The following DGKI variants were observed in gnomAD, a reference collection of about 807,000 sequenced individuals.
DGKI encodes diacylglycerol kinase iota.
Under a neutral mutation model 147.5 loss-of-function variants are expected in DGKI, and 55 were observed. The ratio of observed to expected loss-of-function variants is 0.37; its 90% confidence interval spans 0.30 to 0.47. The LOEUF (loss-of-function observed/expected upper bound fraction) is 0.47, where lower values mean the gene tolerates loss of function less well. Among genes scored for constraint, DGKI ranks in the 20% least tolerant of loss-of-function variants. DGKI has a pLI of 1.00. For synonymous variants in DGKI, 469 were observed against 477.1 expected, an observed-to-expected ratio of 0.98 and a Z score of 0.22; for missense variants, 1,007 against 1,323.8, an observed-to-expected ratio of 0.76 and a Z score of 3.71.
chr7:137,610,961 C>A (rs1422863496), intron 8 of DGKI, among the ~76,000 whole-genome samples: 2 of 152,092 alleles, frequency 1.3e-5, no homozygotes, highest in African/African-American at 2.4e-5. Flanking sequence ...AGAGTCACAC[C>A]AGGAAAAGAG....
intron 1 of DGKI, among the ~76,000 whole-genome samples, chr7:137,694,450 C>T (rs1231999253): frequency 6.6e-6 from 1 of 152,172 alleles, no homozygotes; most frequent in African/African-American, 2.4e-5. Flanking sequence ...GTTTATGTGG[C>T]TCCCGTTTTC....
intron 32 of DGKI, among the ~76,000 whole-genome samples, chr7:137,394,773 G>C (rs1343308510): frequency 1.3e-5 from 2 of 152,214 alleles, no homozygotes; most frequent in Non-Finnish European, 2.9e-5. Flanking sequence ...TTCAAGCCAA[G>C]TGCCACAGGT....
At chr7:137,671,375 T>C (rs1163210367) in intron 3 of DGKI, among the ~76,000 whole-genome samples, 2 of 152,184 alleles carry the variant, frequency 1.3e-5, no homozygotes, top group African/African-American at 2.4e-5. Context: ...GGTAAGAATA[T>C]GGATGCTACA....
chr7:137,727,279 G>A (rs1007508627), intron 1 of DGKI, among the ~76,000 whole-genome samples: 1 of 152,060 alleles, frequency 6.6e-6, no homozygotes, highest in Non-Finnish European at 1.5e-5. Context: ...AAAAGCAGAT[G>A]TTCAATAAGT....
chr7:137,584,194 T>C (rs17169313), intron 14 of DGKI, among the ~76,000 whole-genome samples: 8,174 of 152,210 alleles, frequency 0.054, 552 homozygotes, highest in African/African-American at 0.15. Context: ...AGTACAGATG[T>C]CTGGGCCTTA....
chr7:137,729,945 G>C (rs565715486), intron 1 of DGKI, among the ~76,000 whole-genome samples: 1 of 152,140 alleles, frequency 6.6e-6, no homozygotes, highest in Non-Finnish European at 1.5e-5. Flanking sequence ...TACCAACACT[G>C]TGTTGACAGA....
At chr7:137,819,467 C>T (rs1036965019) in intron 1 of DGKI, among the ~76,000 whole-genome samples, 35 of 152,112 alleles carry the variant, frequency 2.3e-4, no homozygotes, top group African/African-American at 7.7e-4. Flanking sequence ...CCCGCCACCA[C>T]GCCCAGCTAA....
intron 19 of DGKI, among the ~76,000 whole-genome samples, chr7:137,566,893 G>A (rs1818603862): frequency 6.6e-6 from 1 of 151,856 alleles, no homozygotes; most frequent in African/African-American, 2.4e-5. Context: ...TTTCTTTTGA[G>A]ATATTCTCTC....
At position 137,466,927 on chromosome 7, in the gene DGKI, C is replaced by T. The variant is rs371364313; in HGVS notation, c.2459G>A (p.Arg820His). The T allele has an allele frequency of 3.1e-5, 50 of 1,613,858 alleles. No individual in the cohort carries two copies. Among genetic ancestry groups the T allele is most frequent in the East Asian group, 2.2e-4 (10 of 44,878 alleles). Residue 820 changes from arginine to histidine, a missense_variant, in exon 25 of 33, where the codon CGC (arginine) becomes CAC (histidine). Physicochemically the swap from Arg to His is conservative, Grantham distance 29. Transcript: ENST00000614521. ...CTGAGATCTGTCTATTCGATAAAAG[C>T]GATCAGCAGAAGTTGCTAGGGGAAA... ...WCFLDATSAD[R>H]FYRIDRSQEH...
intron 3 of DGKI, among the ~76,000 whole-genome samples, chr7:137,670,009 T>G (rs1384929664): frequency 6.6e-6 from 1 of 151,864 alleles, no homozygotes; most frequent in African/African-American, 2.4e-5. Flanking sequence ...TCCCATCCAC[T>G]CAAAAAAAAA....
chr7:137,691,774 C>T (rs1425783023), intron 1 of DGKI, among the ~76,000 whole-genome samples: 5 of 144,020 alleles, frequency 3.5e-5, no homozygotes, highest in African/African-American at 1.0e-4. Flanking sequence ...TGTCAGAGAG[C>T]TCAGCAAGTG....
rs1454616021 is a variant in DGKI, at chr7:137,756,415, G to T, written c.402-66413C>A. Among the ~76,000 whole-genome samples, 35 of 152,240 alleles carry T rather than the reference G, an allele frequency of 2.3e-4. No homozygotes were observed. In the South Asian group the frequency reaches 3.7e-3, roughly 16 times the overall value. On this transcript the variant is annotated intron_variant, in intron 1 of 32. Coordinates refer to ENST00000614521, the MANE Select transcript of DGKI (RefSeq NM_001321708.2). ...AACACAGAAGAAAAAAAGTCATTCG[G>T]GAACCGTCAGAAAGGTTATTTTTGT...
chr7:137,662,585 T>C (rs1822482182), intron 3 of DGKI, among the ~76,000 whole-genome samples: 1 of 152,166 alleles, frequency 6.6e-6, no homozygotes, highest in Non-Finnish European at 1.5e-5. Context: ...TCATTCTGTC[T>C]ATGACAACAG....
chr7:137,652,138 T>C (rs73444544), intron 5 of DGKI, among the ~76,000 whole-genome samples: 3 of 152,058 alleles, frequency 2.0e-5, no homozygotes, highest in Non-Finnish European at 2.9e-5. Context: ...TTTTTAAAGA[T>C]AGAAATTATT....
chr7:137,608,203 T>C (rs917532544), intron 10 of DGKI, among the ~76,000 whole-genome samples: 1 of 152,144 alleles, frequency 6.6e-6, no homozygotes. Context: ...AAATATATAC[T>C]TCGTGGATAA....
rs552159296 is a variant in DGKI, at chr7:137,425,050, C to T, written c.2762-12843G>A. 5.6e-4 allele frequency among the ~76,000 whole-genome samples: 85 copies of T among 152,038 alleles called. 1 individual carries two copies. Among genetic ancestry groups the T allele is most frequent in the Admixed American group, 4.6e-4 (7 of 15,270 alleles). On this transcript the variant is annotated intron_variant, in intron 28 of 32. Coordinates refer to ENST00000614521, the MANE Select transcript of DGKI (RefSeq NM_001321708.2). ...TGAAGAGAGCAGTGGTTCTCCCCAG[C>T]ATGCAGCTGGAGATCTGAGAATGGG...
rs549653337 is a variant in DGKI at position 137,653,845 on chromosome 7, C to T, written c.738+887G>A. On this transcript the variant is annotated intron_variant, in intron 5 of 32. Coordinates refer to ENST00000614521, the MANE Select transcript of DGKI (RefSeq NM_001321708.2). ...CTTAAGGAGGATACCGTATAAGATG[C>T]TAATGTTTGGGAGGCAGTGAGTGAC... Among the ~76,000 whole-genome samples, 8 of 152,264 alleles carry T rather than the reference C, an allele frequency of 5.3e-5. No homozygotes were observed. In the South Asian group the frequency reaches 1.2e-3, roughly 24 times the overall value.
chr7:137,397,888 C>T (rs1000504603), intron 30 of DGKI, among the ~76,000 whole-genome samples: 5 of 152,098 alleles, frequency 3.3e-5, no homozygotes, highest in Admixed American at 3.3e-4. Flanking sequence ...CTTCTCAGAC[C>T]AGAAAGAAAT....
At chr7:137,470,585 ACAGGCTGTCTTC>A (rs571004426) in intron 23 of DGKI, among the ~76,000 whole-genome samples, 182 of 151,848 alleles carry the variant, frequency 1.2e-3, no homozygotes, top group African/African-American at 2.8e-3. Context: ...ATTTTTTGAG[ACAGGCTGTCTTC>A]CAGGCTGTCT....
Sources: allele counts gnomAD v4.1 joint callset (sites outside exome capture counted in the v4.1 genomes callset), GRCh38; gene constraint gnomAD v4.1.1; transcripts MANE v1.5; gene names NCBI Gene and HGNC (gene_info 2026-07-23, HGNC 2026-07-21).